The following CEP63 variants were observed in gnomAD, a reference collection of about 807,000 sequenced individuals.
The protein encoded by CEP63 is centrosomal protein of 63 kDa.
In CEP63, 84 loss-of-function variants were observed where a neutral mutation model predicts 89.1. The ratio of observed to expected loss-of-function variants is 0.94; its 90% CI spans 0.79 to 1.13. The LOEUF is 1.13. CEP63 is among the 50% of genes most tolerant of loss of function. The pLI is 0.00. For missense variants in CEP63, 838 were observed against 813.3 expected (o/e 1.03, Z -0.37); for synonymous variants, 267 against 272.5 (o/e 0.98, Z 0.20).
At chr3:134,709,506 T>G in the CEP63 span, among the ~76,000 whole-genome samples, 1 of 142,404 alleles carries the variant, frequency 7.0e-6, no homozygotes, top group African/African-American at 2.5e-5. Context: ...GGGGTGGGGG[T>G]TGGTCAGAGA....
At chr3:134,547,222 C>A in intron 8 of CEP63, 113 bp from the exon 9 acceptor site, 1 of 925,368 alleles carries the variant, frequency 1.1e-6, no homozygotes, top group Non-Finnish European at 1.7e-6. Context: ...AGGAGACAAA[C>A]TTGAAGAGTT....
intron 12 of CEP63, among the ~76,000 whole-genome samples, chr3:134,556,284 TA>T (rs1956150845): frequency 6.6e-6 from 1 of 152,014 alleles, no homozygotes; most frequent in Admixed American, 6.6e-5. Flanking sequence ...GGGATCTCAT[TA>T]AACTAAAGAG....
the CEP63 span, chr3:134,651,159 C>T: frequency 6.9e-7 from 1 of 1,440,194 alleles, no homozygotes; most frequent in East Asian, 2.6e-5. Flanking sequence ...TGGGAGGGCG[C>T]TACCCTAATG....
chr3:134,572,423 C>G (rs1388482994), intron 11 of CEP63, among the ~76,000 whole-genome samples: 1 of 152,144 alleles, frequency 6.6e-6, no homozygotes, highest in Non-Finnish European at 1.5e-5. Context: ...CTTCCTCTTT[C>G]TATCCCCAGT....
At chr3:134,685,020 G>A in the CEP63 span, among the ~76,000 whole-genome samples, 3 of 152,212 alleles carry the variant, frequency 2.0e-5, no homozygotes, top group African/African-American at 7.2e-5. Flanking sequence ...ATGCTGGGTA[G>A]ACATTATAGT....
At chr3:134,607,131 G>C in the CEP63 span, 44 of 985,452 alleles carry the variant, frequency 4.5e-5, no homozygotes, top group Non-Finnish European at 5.1e-5. Flanking sequence ...GACCTGGTCA[G>C]TTCTTTCCGA....
At chr3:134,751,087 C>T in the CEP63 span, among the ~76,000 whole-genome samples, 1 of 152,230 alleles carries the variant, frequency 6.6e-6, no homozygotes, top group African/African-American at 2.4e-5. Context: ...CAATATGTGA[C>T]ATTTCATGTA....
the CEP63 span, chr3:134,608,041 GA>G: frequency 9.4e-7 from 1 of 1,063,366 alleles, no homozygotes; most frequent in Non-Finnish European, 1.1e-6. Flanking sequence ...CCTCCCTAAG[GA>G]AGTCTGCCCC....
intron 3 of CEP63, among the ~76,000 whole-genome samples, chr3:134,513,812 A>G (rs994195185): frequency 6.6e-6 from 1 of 152,132 alleles, no homozygotes; most frequent in African/African-American, 2.4e-5. Context: ...TTTAAGTTAA[A>G]CTTAAGAGTG....
the CEP63 span, among the ~76,000 whole-genome samples, chr3:134,723,848 T>G: frequency 2.6e-5 from 4 of 152,196 alleles, no homozygotes; most frequent in African/African-American, 7.2e-5. Context: ...GTATATAAGA[T>G]GCATTTCCTC....
chr3:134,583,486 T>C (rs900754447), intron 10 of CEP63, among the ~76,000 whole-genome samples: 4 of 152,154 alleles, frequency 2.6e-5, no homozygotes, highest in South Asian at 2.1e-4. Flanking sequence ...GATCAGATAG[T>C]TGTAGATGTG....
At chr3:134,688,577 C>A in the CEP63 span, among the ~76,000 whole-genome samples, 1 of 152,148 alleles carries the variant, frequency 6.6e-6, no homozygotes, top group East Asian at 1.9e-4. Flanking sequence ...TTTGCAGTGG[C>A]GAGTCAGAGT....
At chr3:134,547,924 A>G (rs1222706137) in intron 9 of CEP63, among the ~76,000 whole-genome samples, 1 of 152,108 alleles carries the variant, frequency 6.6e-6, no homozygotes, top group Non-Finnish European at 1.5e-5. Context: ...TTCTTATTTC[A>G]TTGAGAAGAC....
chr3:134,681,021 G>A, the CEP63 span, among the ~76,000 whole-genome samples: 4 of 152,230 alleles, frequency 2.6e-5, no homozygotes, highest in African/African-American at 9.6e-5. Context: ...CGGGACAGGA[G>A]CCTCTGAACA....
the CEP63 span, among the ~76,000 whole-genome samples, chr3:134,617,962 C>T: frequency 2.0e-5 from 3 of 152,224 alleles, no homozygotes; most frequent in African/African-American, 7.2e-5. Flanking sequence ...GATCCAGGTT[C>T]CTGGAGAGGC....
the CEP63 span, among the ~76,000 whole-genome samples, chr3:134,726,408 G>T: frequency 6.6e-6 from 1 of 151,672 alleles, no homozygotes; most frequent in African/African-American, 2.4e-5. Flanking sequence ...TACTTTGAAT[G>T]AGGTGCTCTG....
chr3:134,638,255 G>C, the CEP63 span, among the ~76,000 whole-genome samples: 4 of 152,220 alleles, frequency 2.6e-5, no homozygotes, highest in African/African-American at 9.7e-5. Flanking sequence ...GGAGTGGAGA[G>C]AGTTTGCTGG....
intron 8 of CEP63, 144 bp from the exon 9 acceptor site, chr3:134,547,191 C>G: frequency 1.4e-6 from 1 of 710,040 alleles, no homozygotes; most frequent in Non-Finnish European, 2.4e-6. Flanking sequence ...CTTTCCTCTC[C>G]CAATATTCTT....
chr3:134,524,057 A>G (rs1463881491), intron 3 of CEP63, among the ~76,000 whole-genome samples: 4 of 151,978 alleles, frequency 2.6e-5, no homozygotes, highest in Non-Finnish European at 4.4e-5. Context: ...TGTCATCTCT[A>G]ATTTCTTTGA....
Sources: gnomAD v4.1 joint callset for allele counts (sites outside exome capture counted in the v4.1 genomes callset) on GRCh38, gnomAD v4.1.1 for gene constraint, MANE v1.5 for transcripts, NCBI Gene and HGNC (gene_info 2026-07-23, HGNC 2026-07-21) for gene names.